CLASP1: variants seen among roughly 807,000 people sequenced by gnomAD.
CLASP1 encodes CLIP-associating protein 1.
CLASP1 carries 38 observed loss-of-function variants against 192.3 expected under a neutral mutation model. The observed-to-expected ratio is 0.20, with a 90% CI of 0.15 to 0.26. CLASP1 has a LOEUF of 0.26. CLASP1 is among the 10% of genes least tolerant of loss of function. CLASP1 has a pLI of 1.00. For missense variants in CLASP1, 1,433 were observed against 1,932.5 expected (o/e 0.74, Z 4.85); for synonymous variants, 691 against 712.8 (o/e 0.97, Z 0.49).
intron 1 of CLASP1, among the ~76,000 whole-genome samples, chr2:121,607,226 C>T (rs1404408945): frequency 6.6e-6 from 1 of 151,998 alleles, no homozygotes; most frequent in African/African-American, 2.4e-5. Flanking sequence ...GTAATCCCAG[C>T]TACTTAGGAG....
intron 30 of CLASP1, among the ~76,000 whole-genome samples, chr2:121,396,364 A>T (rs952829564): frequency 1.3e-5 from 2 of 152,236 alleles, no homozygotes; most frequent in East Asian, 3.8e-4. Context: ...GCTCATTCAA[A>T]CAGCAAATGA....
chr2:121,457,674 C>A lies in CLASP1; in HGVS notation c.1385+13G>T. ...ACAATTCAAAAACAATGAGAAAATCCTTTAAAATTTACCTTCTAACTGCGA... is the reference window on the plus strand; with the variant it reads ...ACAATTCAAAAACAATGAGAAAATCATTTAAAATTTACCTTCTAACTGCGA... On this transcript the variant is annotated intron_variant, in intron 14 of 39. Coordinates refer to ENST00000263710, the Ensembl canonical transcript of CLASP1. The A allele has an allele frequency of 1.3e-6, 2 of 1,596,984 alleles. No homozygotes were observed. The highest frequency in any genetic ancestry group is 2.2e-5 in the South Asian group (2 of 89,314).
chr2:121,602,291 C>T (rs183604399), intron 2 of CLASP1, among the ~76,000 whole-genome samples: 62 of 151,670 alleles, frequency 4.1e-4, no homozygotes, highest in African/African-American at 1.4e-3. Context: ...AGGAAAACTA[C>T]AAAACACTGA....
chr2:121,531,096 C>A (rs1045633617), intron 2 of CLASP1: 1 of 652,436 alleles, frequency 1.5e-6, no homozygotes, highest in Non-Finnish European at 2.8e-6. Flanking sequence ...GTAGAGGGTG[C>A]ACAAGACGCG....
chr2:121,491,232 T>G (rs1461633780), intron 8 of CLASP1, among the ~76,000 whole-genome samples: 1 of 152,258 alleles, frequency 6.6e-6, no homozygotes, highest in Non-Finnish European at 1.5e-5. Context: ...AATAATGTTA[T>G]GATTACTTGT....
intron 1 of CLASP1, among the ~76,000 whole-genome samples, chr2:121,616,719 A>T (rs1378792860): frequency 5.9e-5 from 9 of 152,226 alleles, no homozygotes; most frequent in Admixed American, 5.9e-4. Context: ...CCCTGCCAGC[A>T]GGAAGTCTGT....
chr2:121,488,397 A>G (rs2093110957), intron 8 of CLASP1, among the ~76,000 whole-genome samples: 1 of 152,188 alleles, frequency 6.6e-6, no homozygotes, highest in African/African-American at 2.4e-5. Flanking sequence ...ATCATCCCCA[A>G]TTTGCACATG....
chr2:121,398,493 T>C, intron 28 of CLASP1, 93 bp from the exon 30 acceptor site: 1 of 862,870 alleles, frequency 1.2e-6, no homozygotes, highest in Non-Finnish European at 1.8e-6. Flanking sequence ...TGTAAGTTAA[T>C]GTATGTAAAA....
chr2:121,518,820 G>A (rs926682237), intron 6 of CLASP1, among the ~76,000 whole-genome samples: 1 of 152,288 alleles, frequency 6.6e-6, no homozygotes, highest in Non-Finnish European at 1.5e-5. Flanking sequence ...AGAGGTTGCA[G>A]TGAGCCGAGA....
At chr2:121,435,619 T>G (rs2082170306) in intron 19 of CLASP1, among the ~76,000 whole-genome samples, 1 of 152,222 alleles carries the variant, frequency 6.6e-6, no homozygotes, top group Non-Finnish European at 1.5e-5. Context: ...ATTTTTCATT[T>G]TCCTTTTATC....
chr2:121,449,015 T>C, exon 17 of CLASP1: 1 of 1,613,946 alleles, frequency 6.2e-7, no homozygotes, highest in Non-Finnish European at 8.5e-7. Context: ...CTATGCTGTC[T>C]GAGTTCTTCA....
intron 7 of CLASP1, among the ~76,000 whole-genome samples, chr2:121,510,944 G>A (rs536257961): frequency 2.6e-5 from 4 of 152,252 alleles, no homozygotes; most frequent in African/African-American, 9.6e-5. Flanking sequence ...AAAGACCCAG[G>A]ATGACAAAGA....
At chr2:121,438,906 T>C (rs2082774011) in intron 19 of CLASP1, among the ~76,000 whole-genome samples, 1 of 151,496 alleles carries the variant, frequency 6.6e-6, no homozygotes, top group African/African-American at 2.4e-5. Context: ...GACGGAATGG[T>C]ACCAGTTCCT....
intron 7 of CLASP1, among the ~76,000 whole-genome samples, chr2:121,508,525 T>C (rs1575548019): frequency 6.6e-6 from 1 of 152,180 alleles, no homozygotes. Context: ...ACATTAAATA[T>C]AAATAGATTA....
At chr2:121,456,472 G>GA (rs2086686486) in intron 14 of CLASP1, among the ~76,000 whole-genome samples, 1 of 146,452 alleles carries the variant, frequency 6.8e-6, no homozygotes, top group Admixed American at 7.0e-5. Context: ...AGAAAGAAAA[G>GA]AAAGGAAAGC....
intron 2 of CLASP1, among the ~76,000 whole-genome samples, chr2:121,577,785 A>C (rs796589050): frequency 3.9e-5 from 6 of 152,308 alleles, no homozygotes; most frequent in African/African-American, 1.4e-4. Flanking sequence ...TATTCAAAAC[A>C]TGTTAGAGGC....
chr2:121,551,888 G>T (rs2058080521), intron 2 of CLASP1, among the ~76,000 whole-genome samples: 1 of 152,084 alleles, frequency 6.6e-6, no homozygotes, highest in Non-Finnish European at 1.5e-5. Context: ...AGCCCAAATA[G>T]TCAAGGCAAT....
At chr2:121,393,079 T>C (rs530164871) in intron 30 of CLASP1, among the ~76,000 whole-genome samples, 1 of 152,354 alleles carries the variant, frequency 6.6e-6, no homozygotes, top group East Asian at 1.9e-4. Context: ...CAGCTTGTTA[T>C]AAGTTTAAAA....
chr2:121,463,715 A>G (rs2088672659), intron 9 of CLASP1, among the ~76,000 whole-genome samples: 1 of 152,146 alleles, frequency 6.6e-6, no homozygotes, highest in Admixed American at 6.6e-5. Flanking sequence ...AACATGCAAA[A>G]AGGATAAGTG....
Sources: gnomAD v4.1 joint callset for allele counts (sites outside exome capture counted in the v4.1 genomes callset) on GRCh38, gnomAD v4.1.1 for gene constraint, MANE v1.5 for transcripts, NCBI Gene and HGNC (gene_info 2026-07-23, HGNC 2026-07-21) for gene names.